Variants in DENND4C observed in about 807,000 individuals in gnomAD.
DENND4C encodes the protein DENN domain-containing protein 4C.
Under a neutral mutation model 203.0 loss-of-function variants are expected in DENND4C, and 108 were observed. The ratio of observed to expected loss-of-function variants is 0.53; its 90% CI spans 0.46 to 0.62. DENND4C has a LOEUF of 0.62. DENND4C is among the 20% of genes least tolerant of loss of function. The pLI, the probability that DENND4C is intolerant of heterozygous loss-of-function variation, is 0.00. For missense variants in DENND4C, 2,481 were observed against 2,301.2 expected, an observed-to-expected ratio of 1.08 and a Z score of -1.60; for synonymous variants, 871 against 792.4, an observed-to-expected ratio of 1.10 and a Z score of -1.67.
At chr9:19,324,758 T>TA (rs1554635476) in intron 13 of DENND4C, among the ~76,000 whole-genome samples, 1 of 152,230 alleles carries the variant, frequency 6.6e-6, no homozygotes, top group Non-Finnish European at 1.5e-5. Flanking sequence ...CTCATTCTGT[T>TA]ACCCAGGCTA....
chr9:19,295,924 T>C, intron 5 of DENND4C, 84 bp from the exon 6 acceptor site: 1 of 1,072,556 alleles, frequency 9.3e-7, no homozygotes, highest in Middle Eastern at 2.3e-4. Context: ...TCCAAGCAAA[T>C]ATTTCTTGTG....
chr9:19,316,773 C>G lies in DENND4C; in HGVS notation c.1741C>G (p.Leu581Val), dbSNP rs779438144. Reference sequence around the variant, plus strand: ...TATTTTAAAAGGATATAGAACATATCTCAGACCAATCACAGAGGCTCCTTC... The same window carrying G: ...TATTTTAAAAGGATATAGAACATATGTCAGACCAATCACAGAGGCTCCTTC... The part of the protein sequence containing the change: ...ASILKGYRTY[L>V]RPITEAPSNK... Residue 581 changes from leucine (L) to valine (V), a missense_variant, in exon 12 of 33, where the codon CTC becomes GTC. By Grantham distance (32) the Leu-to-Val change is conservative. This residue lies in a region of DENND4C where 2,289 missense variants were observed against 2,113.3 expected (regional missense o/e 1.08). Coordinates refer to ENST00000434457, the MANE Select transcript of DENND4C (RefSeq NM_001330640.2). The G allele has an allele frequency of 6.2e-7, 1 of 1,614,034 alleles. No individual in the cohort carries two copies. Among genetic ancestry groups the G allele is most frequent in the Non-Finnish European group, 8.5e-7 (1 of 1,179,988 alleles).
intron 1 of DENND4C, among the ~76,000 whole-genome samples, chr9:19,249,927 G>A (rs1037941204): frequency 4.1e-4 from 62 of 152,174 alleles, no homozygotes; most frequent in African/African-American, 1.3e-3. Flanking sequence ...CAAATTGCTG[G>A]GATTGCAGGC....
intron 1 of DENND4C, among the ~76,000 whole-genome samples, chr9:19,254,096 A>G (rs1588749515): frequency 1.3e-5 from 2 of 152,260 alleles, no homozygotes; most frequent in South Asian, 2.1e-4. Flanking sequence ...CAAAGTATCA[A>G]TATGGGTATG....
chr9:19,234,925 T>C (rs943952880), intron 1 of DENND4C, among the ~76,000 whole-genome samples: 1 of 152,106 alleles, frequency 6.6e-6, no homozygotes, highest in Non-Finnish European at 1.5e-5. Flanking sequence ...AAATTACTTT[T>C]TGAAATTTTG....
chr9:19,276,429 T>C lies in DENND4C; in HGVS notation c.255T>C (p.Leu85=). Residue 85 remains leucine, a synonymous_variant, in exon 2 of 33, where the codon CTT becomes CTC. Coordinates refer to ENST00000434457, the MANE Select transcript of DENND4C (RefSeq NM_001330640.2). ...LNYGSLKSPE[L]FLCYKRGRDK... ...ATGGAAGTCTGAAAAGCCCAGAACTTTTCCTCTGTTATAAGAGAGGGAGAG... is the reference window on the plus strand; with the variant it reads ...ATGGAAGTCTGAAAAGCCCAGAACTCTTCCTCTGTTATAAGAGAGGGAGAG... 1 of 1,232,130 alleles carries C rather than the reference T, an allele frequency of 8.1e-7. No individual in the cohort carries two copies. Among genetic ancestry groups the C allele is most frequent in the Non-Finnish European group, 1.0e-6 (1 of 987,944 alleles). The allele number at this position is 1,232,130 out of a possible 1,614,324, so 76.3% of individuals were successfully genotyped here. A position where few individuals can be genotyped will look rare whatever the true frequency, so the allele number is the denominator to read the frequency against.
At chr9:19,311,074 T>A (rs1391873079) in intron 10 of DENND4C, among the ~76,000 whole-genome samples, 1 of 152,166 alleles carries the variant, frequency 6.6e-6, no homozygotes, top group African/African-American at 2.4e-5. Context: ...ATCAAAAAAA[T>A]TTATTTGACT....
At chr9:19,269,039 C>A (rs917004314) in intron 1 of DENND4C, among the ~76,000 whole-genome samples, 1 of 152,094 alleles carries the variant, frequency 6.6e-6, no homozygotes, top group Admixed American at 6.6e-5. Context: ...TTCTCTCTAC[C>A]TTTTTGTTAA....
intron 16 of DENND4C, among the ~76,000 whole-genome samples, chr9:19,330,449 C>G (rs887084353): frequency 6.7e-6 from 1 of 149,582 alleles, no homozygotes; most frequent in Non-Finnish European, 1.5e-5. Flanking sequence ...AAGCGATTCT[C>G]CTGCCTCAGC....
rs772798352 is a variant in DENND4C, at chr9:19,345,941, T to C, written c.3172T>C (p.Phe1058Leu). The change falls in exon 23 of 33, where the codon TTT becomes CTT. Residue 1058 changes from phenylalanine (F) to leucine (L), a missense_variant. Coordinates refer to ENST00000434457, the MANE Select transcript of DENND4C (RefSeq NM_001330640.2). The stretch of plus-strand genomic sequence containing the variant: ...TTTAGGTAGTATATCAAATGTGCTG[T>C]TTTCTACTCAAGATCCAGTTGAAGA... ...SSTGSISNVL[F>L]STQDPVEDAV... 8.1e-6 allele frequency: 13 copies of C among 1,612,600 alleles called. No individual in the cohort carries two copies. In the East Asian group the frequency reaches 2.5e-4, roughly 30 times the overall value.
At chr9:19,335,930 C>G (rs1200846409) in intron 18 of DENND4C, among the ~76,000 whole-genome samples, 1 of 151,984 alleles carries the variant, frequency 6.6e-6, no homozygotes, top group Non-Finnish European at 1.5e-5. Context: ...TTTGAGGAAA[C>G]TCTATACTGT....
At chr9:19,321,476 TTTTTG>T (rs1036965469) in intron 12 of DENND4C, among the ~76,000 whole-genome samples, 8 of 151,980 alleles carry the variant, frequency 5.3e-5, no homozygotes, top group South Asian at 2.1e-4. Context: ...AAGGTTTTTT[TTTTTG>T]TTTTGTTTTG....
chr9:19,245,999 T>A (rs992017860), intron 1 of DENND4C, among the ~76,000 whole-genome samples: 4 of 152,194 alleles, frequency 2.6e-5, no homozygotes, highest in African/African-American at 4.8e-5. Flanking sequence ...GGACATTTCT[T>A]GGATTCCATC....
At chr9:19,324,641 G>T in intron 13 of DENND4C, 134 bp downstream of exon 13, 2 of 867,374 alleles carry the variant, frequency 2.3e-6, no homozygotes, top group Non-Finnish European at 3.5e-6. Context: ...ATGTGTTACC[G>T]ATTCTGGGCT....
Position 19,371,687 on chromosome 9 carries a change from A to G in DENND4C, c.5676-69A>G, listed in dbSNP as rs117269842. On this transcript the variant is annotated intron_variant, in intron 31 of 32. Coordinates refer to ENST00000434457, the MANE Select transcript of DENND4C (RefSeq NM_001330640.2). ...GATGACAGAACTTAATGTCTTCACC[A>G]TTAAAAAAAATGCATCTGTGTTTTT... 325 of 788,140 alleles carry G rather than the reference A, an allele frequency of 4.1e-4. 2 individuals are homozygous for G. The East Asian group carries it at 6.3e-3, about 15-fold the overall frequency. 48.8% of individuals were successfully genotyped at this position (788,140 alleles called of 1,614,324 possible).
At position 19,305,541 on chromosome 9, in the gene DENND4C, TTTTATATTATCTCCCA is replaced by T; in HGVS notation, c.1487+23_1487+38del. 1 of 1,601,506 alleles carries T rather than the reference TTTTATATTATCTCCCA, an allele frequency of 6.2e-7. No individual in the cohort carries two copies. The stretch of plus-strand genomic sequence containing the variant: ...CATGTTATATGTGTAAGTTGATTCA[TTTTATATTATCTCCCA>T]TTTATATTTTTCACTATGTAGAGTT... On this transcript the variant is annotated intron_variant, in intron 10 of 32. Coordinates refer to ENST00000434457, the MANE Select transcript of DENND4C (RefSeq NM_001330640.2).
intron 1 of DENND4C, among the ~76,000 whole-genome samples, chr9:19,240,550 C>T (rs996588912): frequency 2.6e-5 from 4 of 151,872 alleles, no homozygotes; most frequent in African/African-American, 7.3e-5. Context: ...CCTGTAGTCC[C>T]AGCTACTTGC....
intron 17 of DENND4C, among the ~76,000 whole-genome samples, chr9:19,334,325 A>G (rs60962566): frequency 0.011 from 1,717 of 152,098 alleles, 30 homozygotes; most frequent in African/African-American, 0.037. Context: ...TTCTGGGATT[A>G]CAGGCATGAG....
intron 1 of DENND4C, among the ~76,000 whole-genome samples, chr9:19,240,189 A>G (rs1823320575): frequency 6.6e-6 from 1 of 152,182 alleles, no homozygotes; most frequent in African/African-American, 2.4e-5. Flanking sequence ...CAAGCATCAT[A>G]TAGTGTACTT....
Sources: gnomAD v4.1 joint callset for allele counts (sites outside exome capture counted in the v4.1 genomes callset) on GRCh38, gnomAD v4.1.1 for gene constraint, gnomAD v4.1.1 regional missense constraint, MANE v1.5 for transcripts, NCBI Gene and HGNC (gene_info 2026-07-23, HGNC 2026-07-21) for gene names.